The following EFNA5 variants were observed in gnomAD, a reference collection of about 807,000 sequenced individuals.
EFNA5 encodes ephrin-A5.
Under a neutral mutation model 22.9 loss-of-function variants are expected in EFNA5, and 5 were observed. The observed-to-expected ratio is 0.22, with a 90% confidence interval of 0.11 to 0.46. EFNA5 has a LOEUF of 0.46. Ranked by LOEUF, EFNA5 falls within the 20% of genes least tolerant of loss-of-function variation. EFNA5 has a pLI of 0.99. For missense variants in EFNA5, 237 were observed against 293.3 expected (o/e 0.81, Z 1.40); for synonymous variants, 113 against 112.2 (o/e 1.01, Z -0.04).
intron 1 of EFNA5, among the ~76,000 whole-genome samples, chr5:107,563,645 G>A (rs1418647855): frequency 6.6e-6 from 1 of 151,940 alleles, no homozygotes; most frequent in East Asian, 1.9e-4. Flanking sequence ...ATGCTTTCTA[G>A]GCTTAGGCTG....
intron 1 of EFNA5, among the ~76,000 whole-genome samples, chr5:107,445,213 G>A (rs1749358991): frequency 6.6e-6 from 1 of 152,062 alleles, no homozygotes; most frequent in Non-Finnish European, 1.5e-5. Flanking sequence ...AGTAGATACA[G>A]GGTTTTGCCA....
chr5:107,625,118 A>C (rs890414425), intron 1 of EFNA5, among the ~76,000 whole-genome samples: 1 of 152,122 alleles, frequency 6.6e-6, no homozygotes, highest in Non-Finnish European at 1.5e-5. Flanking sequence ...TAACTTCCAA[A>C]CTTACGCTGT....
At chr5:107,532,415 T>C (rs748595040) in intron 1 of EFNA5, among the ~76,000 whole-genome samples, 4 of 152,212 alleles carry the variant, frequency 2.6e-5, no homozygotes, top group Non-Finnish European at 5.9e-5. Flanking sequence ...TTCACAACTG[T>C]CCAGAAATCC....
At chr5:107,501,247 A>AT in intron 1 of EFNA5, among the ~76,000 whole-genome samples, 1 of 152,170 alleles carries the variant, frequency 6.6e-6, no homozygotes. Context: ...TTTTGTAAAT[A>AT]TTTTTTTAAA....
intron 1 of EFNA5, among the ~76,000 whole-genome samples, chr5:107,630,097 AT>A (rs1233216295): frequency 1.3e-5 from 2 of 152,056 alleles, no homozygotes; most frequent in African/African-American, 2.4e-5. Context: ...TTGTTTTGCA[AT>A]TTTTTTAAAG....
At chr5:107,410,839 G>A (rs1748347856) in intron 2 of EFNA5, among the ~76,000 whole-genome samples, 1 of 152,136 alleles carries the variant, frequency 6.6e-6, no homozygotes. Flanking sequence ...TCTGATTAGA[G>A]TTGGGCAGTG....
chr5:107,547,909 CA>C (rs1280278437), intron 1 of EFNA5, among the ~76,000 whole-genome samples: 1 of 152,136 alleles, frequency 6.6e-6, no homozygotes, highest in East Asian at 1.9e-4. Context: ...AACAAATAAA[CA>C]AAAATCATAC....
At chr5:107,487,099 T>C (rs998330524) in intron 1 of EFNA5, among the ~76,000 whole-genome samples, 2 of 152,206 alleles carry the variant, frequency 1.3e-5, no homozygotes, top group Non-Finnish European at 2.9e-5. Context: ...TATCTGGCTC[T>C]GTTTCCCAAT....
chr5:107,530,500 C>G (rs1474539109), intron 1 of EFNA5, among the ~76,000 whole-genome samples: 1 of 152,196 alleles, frequency 6.6e-6, no homozygotes, highest in East Asian at 1.9e-4. Context: ...TAAGTTATCT[C>G]CACTACAGAA....
chr5:107,658,605 T>C (rs1580586565), intron 1 of EFNA5, among the ~76,000 whole-genome samples: 1 of 152,162 alleles, frequency 6.6e-6, no homozygotes, highest in African/African-American at 2.4e-5. Flanking sequence ...CAGAACTCTA[T>C]GAAAAGTTCA....
chr5:107,658,454 A>G (rs1394247237), intron 1 of EFNA5, among the ~76,000 whole-genome samples: 2 of 152,202 alleles, frequency 1.3e-5, no homozygotes, highest in Non-Finnish European at 2.9e-5. Context: ...TTTTCAATGA[A>G]GCATAAACTT....
At chr5:107,570,868 G>T (rs1391021395) in intron 1 of EFNA5, among the ~76,000 whole-genome samples, 1 of 152,152 alleles carries the variant, frequency 6.6e-6, no homozygotes, top group Non-Finnish European at 1.5e-5. Flanking sequence ...ACTTCCAAGG[G>T]ACTTGAAAAC....
At chr5:107,531,147 C>T (rs917924465) in intron 1 of EFNA5, among the ~76,000 whole-genome samples, 2 of 152,186 alleles carry the variant, frequency 1.3e-5, no homozygotes, top group African/African-American at 4.8e-5. Context: ...GGATAAGTCT[C>T]TAACTTACCT....
chr5:107,644,453 G>A (rs922968976), intron 1 of EFNA5, among the ~76,000 whole-genome samples: 1 of 152,072 alleles, frequency 6.6e-6, no homozygotes, highest in Admixed American at 6.6e-5. Context: ...TATCGGAATA[G>A]GCTCATTAAA....
intron 1 of EFNA5, among the ~76,000 whole-genome samples, chr5:107,580,275 C>G (rs767805612): frequency 5.3e-5 from 8 of 152,092 alleles, no homozygotes; most frequent in Non-Finnish European, 1.2e-4. Context: ...AATTCTACAC[C>G]TACATTTAAA....
At chr5:107,395,184 G>A (rs1338588196) in intron 2 of EFNA5, among the ~76,000 whole-genome samples, 1 of 151,948 alleles carries the variant, frequency 6.6e-6, no homozygotes, top group South Asian at 2.1e-4. Context: ...GATTACAAGT[G>A]CATGCCAACA....
At chr5:107,484,706 A>G (rs1746543768) in intron 1 of EFNA5, among the ~76,000 whole-genome samples, 1 of 152,202 alleles carries the variant, frequency 6.6e-6, no homozygotes, top group Admixed American at 6.5e-5. Flanking sequence ...ATGGTGGTGA[A>G]GAATTAAGTG....
chr5:107,429,993 G>T (rs564839298), intron 1 of EFNA5, among the ~76,000 whole-genome samples: 6 of 152,252 alleles, frequency 3.9e-5, no homozygotes, highest in Middle Eastern at 3.4e-3. Flanking sequence ...TTACACAAGA[G>T]AAATAAGGAC....
chr5:107,429,818 A>G (rs973574214), intron 1 of EFNA5, among the ~76,000 whole-genome samples: 1 of 152,362 alleles, frequency 6.6e-6, no homozygotes, highest in African/African-American at 2.4e-5. Flanking sequence ...TAATTTTAAA[A>G]TAATAGCAGT....
Sources: allele counts gnomAD v4.1 joint callset (sites outside exome capture counted in the v4.1 genomes callset), GRCh38; gene constraint gnomAD v4.1.1; transcripts MANE v1.5; gene names NCBI Gene and HGNC (gene_info 2026-07-23, HGNC 2026-07-21).